FRRS1L: variants seen among roughly 807,000 people sequenced by gnomAD.
FRRS1L encodes DOMON domain-containing protein FRRS1L.
In FRRS1L, 22 loss-of-function variants were observed where a neutral mutation model predicts 28.6. That is an observed-to-expected ratio of 0.77 (90% CI 0.55 to 1.10). The LOEUF (loss-of-function observed/expected upper bound fraction) is 1.10, where lower values mean the gene tolerates loss of function less well. Among genes scored for constraint, FRRS1L ranks in the 50% least tolerant of loss-of-function variants. The probability of loss-of-function intolerance (pLI) is 0.00; values close to 1 mark genes in which losing one functional copy is unlikely to be tolerated. For synonymous variants in FRRS1L, 158 were observed against 151.4 expected (o/e 1.04, Z -0.32); for missense variants, 380 against 386.9 (o/e 0.98, Z 0.15).
intron 3 of FRRS1L, among the ~76,000 whole-genome samples, chr9:109,144,348 A>T (rs538459647): frequency 6.6e-6 from 1 of 152,036 alleles, no homozygotes; most frequent in African/African-American, 2.4e-5. Context: ...TATCCAATCC[A>T]CTTGCAAATC....
rs936937749 is a variant in FRRS1L at position 109,136,679 on chromosome 9, C to A, written c.*776G>T. 6.6e-6 allele frequency: 1 copy of A among 152,078 alleles called. No homozygotes were observed. Among genetic ancestry groups the A allele is most frequent in the Non-Finnish European group, 1.5e-5 (1 of 68,038 alleles). The allele number at this position is 152,078 out of a possible 1,614,324, so 9.4% of individuals were successfully genotyped here. On this transcript the variant is annotated 3_prime_UTR_variant, in exon 5 of 5. Coordinates refer to ENST00000561981, the MANE Select transcript of FRRS1L (RefSeq NM_014334.4). ...GGGATTATAGGTGTGCACCACCACG[C>A]CTGGCTCATTTTTGTACTTTTTAAT...
At chr9:109,165,295 G>C (rs904430841) in intron 1 of FRRS1L, among the ~76,000 whole-genome samples, 2 of 152,296 alleles carry the variant, frequency 1.3e-5, no homozygotes, top group Admixed American at 1.3e-4. Flanking sequence ...GCAGTAATGT[G>C]GGCAGCCAGC....
In FRRS1L at chr9:109,131,804, A is replaced by G. The variant is rs1831059817; in HGVS notation, c.*5651T>C. The G allele has an allele frequency of 6.6e-6, 1 of 152,220 alleles. No homozygotes were observed. The highest frequency in any genetic ancestry group is 1.9e-4 in the East Asian group (1 of 5,200). The allele number at this position is 152,220 out of a possible 1,614,324, so 9.4% of individuals were successfully genotyped here. On this transcript the variant is annotated 3_prime_UTR_variant, in exon 5 of 5. Transcript: ENST00000561981. ...AACCAATTCCGTTTAGAGAACAAGG[A>G]CATACAATTATACACGGCAGCAAAG...
Position 109,149,900 on chromosome 9 carries a change from T to C in FRRS1L, c.239-180A>G, listed in dbSNP as rs1313742711. On this transcript the variant is annotated intron_variant, in intron 1 of 4. Transcript: ENST00000561981. Reference sequence around the variant, plus strand: ...GGGGGAGGGTGTAGGACACACACCTTTGGACCTAATCTTGCATGTGAACTG... The same window carrying C: ...GGGGGAGGGTGTAGGACACACACCTCTGGACCTAATCTTGCATGTGAACTG... 6.9e-6 allele frequency: 4 copies of C among 579,750 alleles called. No individual in the cohort carries two copies. In the East Asian group the frequency reaches 1.2e-4, roughly 17 times the overall value. 35.9% of individuals were successfully genotyped at this position (579,750 alleles called of 1,614,324 possible). A position where few individuals can be genotyped will look rare whatever the true frequency, so the allele number is the denominator to read the frequency against.
At chr9:109,138,131 T>G (rs1421001740) in intron 4 of FRRS1L, 1 of 152,392 alleles carries the variant, frequency 6.6e-6, no homozygotes, top group Non-Finnish European at 1.5e-5. Context: ...GAAGCCCTCC[T>G]CTACTGTCTG....
chr9:109,141,268 T>C (rs1831181939), intron 4 of FRRS1L, 75 bp downstream of exon 4: 2 of 1,539,468 alleles, frequency 1.3e-6, no homozygotes, highest in Admixed American at 1.7e-5. Flanking sequence ...GTGCACACAG[T>C]GTGACTTCAA....
In FRRS1L at chr9:109,130,327, A is replaced by C. The variant is rs1831043151; in HGVS notation, c.*7128T>G. 6.6e-6 allele frequency: 1 copy of C among 152,254 alleles called. No individual in the cohort carries two copies. The highest frequency in any genetic ancestry group is 2.4e-5 in the African/African-American group (1 of 41,482). The allele number at this position is 152,254 out of a possible 1,614,324, so 9.4% of individuals were successfully genotyped here. ...ATAAACTAACTTTAATTACATCAAC[A>C]GGAAGAATTTCAAACTATGTTGTAA... On this transcript the variant is annotated 3_prime_UTR_variant, in exon 5 of 5. Coordinates refer to ENST00000561981, the MANE Select transcript of FRRS1L (RefSeq NM_014334.4).
chr9:109,156,212 T>C (rs1831401285), intron 1 of FRRS1L, among the ~76,000 whole-genome samples: 1 of 152,160 alleles, frequency 6.6e-6, no homozygotes, highest in Non-Finnish European at 1.5e-5. Flanking sequence ...TATCTGTATT[T>C]TCACTCTTTC....
intron 1 of FRRS1L, among the ~76,000 whole-genome samples, chr9:109,158,149 G>T (rs1045338981): frequency 6.6e-6 from 1 of 152,108 alleles, no homozygotes; most frequent in Admixed American, 6.5e-5. Context: ...TTGGTTGGAA[G>T]ATTTTTTTAA....
At chr9:109,146,197 CAACA>C (rs137988997) in intron 3 of FRRS1L, among the ~76,000 whole-genome samples, 7 of 150,476 alleles carry the variant, frequency 4.7e-5, no homozygotes, top group African/African-American at 7.3e-5. Context: ...AACTCTATCT[CAACA>C]AACAAACAAA....
At chr9:109,152,005 T>C (rs1831335748) in intron 1 of FRRS1L, 1 of 152,250 alleles carries the variant, frequency 6.6e-6, no homozygotes, top group South Asian at 2.1e-4. Flanking sequence ...ACAATCTCTT[T>C]TAATGTTGCA....
At position 109,157,843 on chromosome 9, in the gene FRRS1L, T is replaced by A. The variant is rs532695705; in HGVS notation, c.239-8123A>T. ...TTTGCTCCTTATGTTTTATCTTCTA[T>A]ATTTTGTCCGATGTTACTGTCATCT... On this transcript the variant is annotated intron_variant, in intron 1 of 4. Transcript: ENST00000561981. Among the ~76,000 whole-genome samples, 4 of 152,246 alleles carry A rather than the reference T, an allele frequency of 2.6e-5. No individual in the cohort carries two copies. The South Asian group carries it at 8.3e-4, about 32-fold the overall frequency.
chr9:109,137,644 G>C lies in FRRS1L; in HGVS notation c.710-17C>G. 6.6e-7 allele frequency: 1 copy of C among 1,507,704 alleles called. No homozygotes were observed. Among genetic ancestry groups the C allele is most frequent in the Non-Finnish European group, 9.0e-7 (1 of 1,116,872 alleles). The allele number at this position is 1,507,704 out of a possible 1,614,324, so 93.4% of individuals were successfully genotyped here. Reference sequence around the variant, plus strand: ...TGATAGAGCCTTTAAGAAAAAAAGAGAAGAGCAGGGGCAATTGAAAAAAGA... The same window carrying C: ...TGATAGAGCCTTTAAGAAAAAAAGACAAGAGCAGGGGCAATTGAAAAAAGA... On this transcript the variant is annotated splice_polypyrimidine_tract_variant and intron_variant, in intron 4 of 4. Coordinates refer to ENST00000561981, the MANE Select transcript of FRRS1L (RefSeq NM_014334.4).
chr9:109,158,590 A>C (rs993635310), intron 1 of FRRS1L, among the ~76,000 whole-genome samples: 1 of 152,240 alleles, frequency 6.6e-6, no homozygotes, highest in Middle Eastern at 3.4e-3. Context: ...ATCATACAAC[A>C]TGTGGTCTTT....
chr9:109,140,953 C>T (rs962190379), intron 4 of FRRS1L: 2 of 199,860 alleles, frequency 1.0e-5, no homozygotes, highest in African/African-American at 4.6e-5. Context: ...ATAGCCTTGA[C>T]CAAGTTTCTT....
intron 1 of FRRS1L, among the ~76,000 whole-genome samples, chr9:109,157,259 T>C (rs1831422712): frequency 6.6e-6 from 1 of 152,242 alleles, no homozygotes; most frequent in African/African-American, 2.4e-5. Context: ...GTTGACTTTC[T>C]TATATTCTGG....
At chr9:109,166,492 T>A (rs1485537657) in intron 1 of FRRS1L, among the ~76,000 whole-genome samples, 1 of 152,116 alleles carries the variant, frequency 6.6e-6, no homozygotes, top group African/African-American at 2.4e-5. Context: ...GGTTGGGGTT[T>A]TTCTGCTTCC....
intron 1 of FRRS1L, among the ~76,000 whole-genome samples, chr9:109,153,515 T>C (rs1831363164): frequency 6.6e-6 from 1 of 152,222 alleles, no homozygotes; most frequent in Admixed American, 6.5e-5. Flanking sequence ...TTTCATTGAC[T>C]GTTCCTGAGT....
At chr9:109,149,872 C>T (rs2118488447) in intron 1 of FRRS1L, 152 bp from the exon 2 acceptor site, 1 of 625,810 alleles carries the variant, frequency 1.6e-6, no homozygotes, top group East Asian at 2.8e-5. Flanking sequence ...TCATCCCCTT[C>T]ATGGGGGAGG....
Sources: gnomAD v4.1 joint callset for allele counts (sites outside exome capture counted in the v4.1 genomes callset) on GRCh38, gnomAD v4.1.1 for gene constraint, MANE v1.5 for transcripts, NCBI Gene and HGNC (gene_info 2026-07-23, HGNC 2026-07-21) for gene names.